NXN: variants seen among roughly 807,000 people sequenced by gnomAD.
NXN encodes nucleoredoxin 1.
In NXN, 16 loss-of-function variants were observed where a neutral mutation model predicts 48.6. The ratio of observed to expected loss-of-function variants is 0.33; its 90% confidence interval spans 0.22 to 0.50. The LOEUF (loss-of-function observed/expected upper bound fraction) is 0.50. Ranked by LOEUF, NXN falls within the 20% of genes least tolerant of loss-of-function variation. The pLI is 0.98. For missense variants in NXN, 492 were observed against 605.5 expected (o/e 0.81, Z 1.97); for synonymous variants, 281 against 269.6 (o/e 1.04, Z -0.41).
Position 909,098 on chromosome 17 carries a change from C to CAAAA in NXN, c.360+70217_360+70220dup, listed in dbSNP as rs59822805. On this transcript the variant is annotated intron_variant, in intron 1 of 7. Coordinates refer to ENST00000336868, the MANE Select transcript of NXN (RefSeq NM_022463.5). ...TGGGCGACAGAGTGAGACTTCGTCT[C>CAAAA]AAAAAAAAAAAAAAAAAAAAAAAAA... Among the ~76,000 whole-genome samples the CAAAA allele has an allele frequency of 1.4e-3, 166 of 117,224 alleles. 8 individuals are homozygous for CAAAA. Among genetic ancestry groups the CAAAA allele is most frequent in the East Asian group, 8.1e-3 (31 of 3,814 alleles). 76.9% of individuals were successfully genotyped at this position (117,224 alleles called of 152,430 possible).
intron 1 of NXN, among the ~76,000 whole-genome samples, chr17:945,632 A>C (rs1253271244): frequency 6.6e-6 from 1 of 151,344 alleles, no homozygotes; most frequent in Non-Finnish European, 1.5e-5. Context: ...CCGTCTCAAA[A>C]AAAAAAAAAA....
chr17:955,162 C>CT (rs749641262), intron 1 of NXN, among the ~76,000 whole-genome samples: 5,884 of 125,192 alleles, frequency 0.047, 397 homozygotes, highest in African/African-American at 0.13. Context: ...TCATCTCTTT[C>CT]TTTTTTTTTT....
At chr17:912,038 A>G (rs917937018) in intron 1 of NXN, among the ~76,000 whole-genome samples, 1 of 150,746 alleles carries the variant, frequency 6.6e-6, no homozygotes, top group African/African-American at 2.4e-5. Flanking sequence ...CCCGAGTTCA[A>G]GTGATTCTCC....
At chr17:827,862 T>G (rs1028953639) in intron 1 of NXN, among the ~76,000 whole-genome samples, 2 of 152,110 alleles carry the variant, frequency 1.3e-5, no homozygotes, top group Non-Finnish European at 2.9e-5. Context: ...GGTGGTGGGA[T>G]GAGGATTGTC....
intron 1 of NXN, among the ~76,000 whole-genome samples, chr17:912,967 G>A (rs1046036589): frequency 6.6e-6 from 1 of 151,800 alleles, no homozygotes; most frequent in Non-Finnish European, 1.5e-5. Flanking sequence ...AAAAGAGAAA[G>A]GAAAGGACGG....
At chr17:850,587 GT>G (rs1044197348) in intron 1 of NXN, among the ~76,000 whole-genome samples, 1 of 152,144 alleles carries the variant, frequency 6.6e-6, no homozygotes, top group Non-Finnish European at 1.5e-5. Context: ...ACTGTCTCCA[GT>G]GGGGCTGGGG....
intron 5 of NXN, among the ~76,000 whole-genome samples, chr17:805,678 A>T (rs1048049671): frequency 6.6e-6 from 1 of 152,098 alleles, no homozygotes; most frequent in African/African-American, 2.4e-5. Flanking sequence ...TCTCTACTAA[A>T]AATACAAAAA....
intron 1 of NXN, among the ~76,000 whole-genome samples, chr17:934,179 C>T (rs970521232): frequency 2.0e-5 from 3 of 151,964 alleles, no homozygotes; most frequent in Admixed American, 6.6e-5. Context: ...GGCGCGGTGG[C>T]TCACGCCTGT....
At chr17:868,053 G>A (rs1205546121) in intron 1 of NXN, among the ~76,000 whole-genome samples, 1 of 152,168 alleles carries the variant, frequency 6.6e-6, no homozygotes, top group Non-Finnish European at 1.5e-5. Flanking sequence ...GACATGTGTT[G>A]TGCTCCAGCA....
At chr17:885,506 A>C (rs1311831565) in intron 1 of NXN, among the ~76,000 whole-genome samples, 2 of 151,558 alleles carry the variant, frequency 1.3e-5, no homozygotes, top group African/African-American at 4.9e-5. Context: ...GGAAAAAAAA[A>C]AGAGTTCAGG....
intron 1 of NXN, among the ~76,000 whole-genome samples, chr17:934,880 G>GAA (rs1468884777): frequency 6.6e-6 from 1 of 152,014 alleles, no homozygotes; most frequent in African/African-American, 2.4e-5. Context: ...TCAAAAAAAA[G>GAA]AAAAGAAAGA....
At chr17:827,387 C>T (rs1913175076) in intron 1 of NXN, among the ~76,000 whole-genome samples, 1 of 152,068 alleles carries the variant, frequency 6.6e-6, no homozygotes, top group African/African-American at 2.4e-5. Context: ...CTTTGGGAGG[C>T]TGAGGCGGGT....
At chr17:863,112 T>C (rs538365721) in intron 1 of NXN, among the ~76,000 whole-genome samples, 7 of 152,188 alleles carry the variant, frequency 4.6e-5, no homozygotes, top group Admixed American at 3.3e-4. Flanking sequence ...CAGCAGAGCC[T>C]GAGTGTAGGA....
intron 1 of NXN, among the ~76,000 whole-genome samples, chr17:899,892 A>C (rs1749406880): frequency 6.6e-6 from 1 of 152,128 alleles, no homozygotes; most frequent in African/African-American, 2.4e-5. Flanking sequence ...CCTGTCTCTA[A>C]ATTAATTATT....
intron 1 of NXN, among the ~76,000 whole-genome samples, chr17:829,843 T>C (rs1160667667): frequency 6.6e-6 from 1 of 152,226 alleles, no homozygotes; most frequent in Non-Finnish European, 1.5e-5. Context: ...GGTGTATATG[T>C]GCCACATTTT....
At chr17:807,705 C>T (rs1911646808) in intron 5 of NXN, among the ~76,000 whole-genome samples, 1 of 152,210 alleles carries the variant, frequency 6.6e-6, no homozygotes, top group Admixed American at 6.5e-5. Context: ...CCAACTTGGG[C>T]CCAAGGAAGC....
At chr17:813,983 G>A (rs549131159) in intron 5 of NXN, among the ~76,000 whole-genome samples, 55 of 151,308 alleles carry the variant, frequency 3.6e-4, no homozygotes, top group African/African-American at 1.1e-3. Flanking sequence ...AAAAAGAGCC[G>A]GGCACGGTGA....
At chr17:811,215 G>A (rs1237390880) in intron 5 of NXN, among the ~76,000 whole-genome samples, 1 of 152,150 alleles carries the variant, frequency 6.6e-6, no homozygotes, top group Non-Finnish European at 1.5e-5. Context: ...CGGCCGCCCG[G>A]CACCTCTAGC....
rs934203830 is a variant in NXN, at chr17:956,160, A to G, written c.360+23159T>C. Among the ~76,000 whole-genome samples the G allele has an allele frequency of 9.9e-5, 15 of 152,122 alleles. No individual in the cohort carries two copies. The highest frequency in any genetic ancestry group is 1.8e-4 in the Non-Finnish European group (12 of 68,010). On this transcript the variant is annotated intron_variant, in intron 1 of 7. Transcript: ENST00000336868. The surrounding 1 kb of genome is among the most constrained non-coding windows in gnomAD (Gnocchi z 4.1). ...CACTGAGACTCACCTTTCTGCTTGG[A>G]ATTCCAAACCTCTTCCCACCGGAAT... is the stretch of plus-strand genomic sequence containing the variant.
Sources: gnomAD v4.1 joint callset for allele counts (sites outside exome capture counted in the v4.1 genomes callset) on GRCh38, gnomAD v4.1.1 for gene constraint, Gnocchi (gnomAD v3.1) non-coding constraint, MANE v1.5 for transcripts, NCBI Gene and HGNC (gene_info 2026-07-23, HGNC 2026-07-21) for gene names.